The following ANK1 variants were observed in gnomAD, a reference collection of about 807,000 sequenced individuals.
ANK1 encodes ankyrin-1.
A neutral mutation model predicts 210.4 loss-of-function variants in ANK1; 51 were observed. That is an observed-to-expected ratio of 0.24 (90% confidence interval 0.19 to 0.31). The LOEUF (loss-of-function observed/expected upper bound fraction) is 0.31, where lower values mean the gene tolerates loss of function less well. Ranked by LOEUF, ANK1 falls within the 10% of genes least tolerant of loss-of-function variation. The probability of loss-of-function intolerance (pLI) is 1.00; values close to 1 mark genes in which losing one functional copy is unlikely to be tolerated. For missense variants in ANK1, 2,051 were observed against 2,504.4 expected, an observed-to-expected ratio of 0.82 and a Z score of 3.86; for synonymous variants, 967 against 1,025.9, an observed-to-expected ratio of 0.94 and a Z score of 1.10.
At chr8:41,818,652 C>A (rs371872869) in intron 1 of ANK1, among the ~76,000 whole-genome samples, 2 of 151,148 alleles carry the variant, frequency 1.3e-5, no homozygotes, top group African/African-American at 4.9e-5. Flanking sequence ...TTCTTTCTTT[C>A]TTTCCTTCTT....
intron 1 of ANK1, among the ~76,000 whole-genome samples, chr8:41,773,226 C>T (rs145782357): frequency 0.035 from 5,334 of 152,122 alleles, 131 homozygotes; most frequent in Non-Finnish European, 0.05. Context: ...ATGGCAAGTG[C>T]GGGGGTCTAT....
intron 1 of ANK1, among the ~76,000 whole-genome samples, chr8:41,836,223 A>G (rs979455605): frequency 6.6e-6 from 1 of 152,236 alleles, no homozygotes; most frequent in African/African-American, 2.4e-5. Context: ...CTTGCTGCAG[A>G]TCCCGTCGCA....
intron 1 of ANK1, among the ~76,000 whole-genome samples, chr8:41,776,094 G>T (rs1357743459): frequency 1.3e-5 from 2 of 152,168 alleles, no homozygotes; most frequent in Non-Finnish European, 2.9e-5. Flanking sequence ...CTGGGGTGGT[G>T]CATGAAACAC....
At position 41,702,036 on chromosome 8, in the gene ANK1, G is replaced by A. The variant is rs973983861; in HGVS notation, c.2388+16C>T. 1 of 1,608,796 alleles carries A rather than the reference G, an allele frequency of 6.2e-7. No individual in the cohort carries two copies. Among genetic ancestry groups the A allele is most frequent in the Non-Finnish European group, 8.5e-7 (1 of 1,175,170 alleles). ...TGAGTGTGTCTGGGGTGGGTGCGGG[G>A]GAGAGGCAGACATACCACGAAACTG... is the stretch of plus-strand genomic sequence containing the variant. On this transcript the variant is annotated intron_variant, in intron 21 of 42. Coordinates refer to ENST00000289734, the MANE Select transcript of ANK1 (RefSeq NM_000037.4).
At chr8:41,718,673 GT>G (rs1298718043) in intron 10 of ANK1, among the ~76,000 whole-genome samples, 1 of 152,044 alleles carries the variant, frequency 6.6e-6, no homozygotes, top group African/African-American at 2.4e-5. Flanking sequence ...GTTTTTGTCT[GT>G]TTTTTTCAGT....
intron 3 of ANK1, among the ~76,000 whole-genome samples, chr8:41,733,557 A>G (rs1173733125): frequency 5.3e-5 from 8 of 152,242 alleles, no homozygotes; most frequent in African/African-American, 1.9e-4. Flanking sequence ...AAGTATTATT[A>G]TCTCCATTTT....
intron 1 of ANK1, among the ~76,000 whole-genome samples, chr8:41,850,576 G>A (rs1189153529): frequency 6.6e-6 from 1 of 152,180 alleles, no homozygotes; most frequent in Non-Finnish European, 1.5e-5. Flanking sequence ...AGCCTCCTGG[G>A]ACCAAGTGAT....
intron 1 of ANK1, among the ~76,000 whole-genome samples, chr8:41,844,664 C>T (rs932204339): frequency 1.3e-5 from 2 of 152,216 alleles, no homozygotes; most frequent in South Asian, 2.1e-4. Flanking sequence ...GCTCTGAGTA[C>T]GGCTCTGCCT....
intron 1 of ANK1, among the ~76,000 whole-genome samples, chr8:41,768,992 AAG>A (rs1842455722): frequency 6.6e-6 from 1 of 152,166 alleles, no homozygotes; most frequent in African/African-American, 2.4e-5. Context: ...AAAATTAAAA[AAG>A]AAGAAAATAC....
intron 1 of ANK1, among the ~76,000 whole-genome samples, chr8:41,796,297 G>A (rs114510194): frequency 8.6e-5 from 13 of 151,972 alleles, no homozygotes; most frequent in Admixed American, 4.6e-4. Flanking sequence ...TTTTTCCATC[G>A]GCCATTCCTT....
intron 2 of ANK1, among the ~76,000 whole-genome samples, chr8:41,757,408 CTATT>C (rs971760896): frequency 3.4e-4 from 52 of 152,328 alleles, no homozygotes; most frequent in African/African-American, 1.2e-3. Context: ...CATTGCCTCT[CTATT>C]TAGTTAGTTC....
In ANK1 at chr8:41,694,828, AC is replaced by A; in HGVS notation, c.3116-26del. On this transcript the variant is annotated intron_variant, in intron 27 of 42. Transcript: ENST00000289734. The surrounding 1 kb of genome is among the most constrained non-coding windows in gnomAD (Gnocchi z 5.7). Reference sequence around the variant, plus strand: ...TCTGGAATCACACACACAGGCCACCACCCCGGTCACATCAGGCACAGGTTCA... The same window carrying A: ...TCTGGAATCACACACACAGGCCACCACCCGGTCACATCAGGCACAGGTTCA... 1 of 1,610,488 alleles carries A rather than the reference AC, an allele frequency of 6.2e-7. No individual in the cohort carries two copies. The highest frequency in any genetic ancestry group is 8.5e-7 in the Non-Finnish European group (1 of 1,177,940).
intron 3 of ANK1, among the ~76,000 whole-genome samples, chr8:41,731,555 G>A (rs1832172539): frequency 6.6e-6 from 1 of 151,560 alleles, no homozygotes; most frequent in Non-Finnish European, 1.5e-5. Context: ...ATCTAAATTG[G>A]TTTTGGCTTT....
Position 41,694,119 on chromosome 8 carries a change from G to T in ANK1, c.3328-17C>A, listed in dbSNP as rs1467983328. ...AGGCTGGGCCTGTGAAATGACAGAGGCAGGACACTCAGGCCCAAGCAGGAG... is the reference window on the plus strand; with the variant it reads ...AGGCTGGGCCTGTGAAATGACAGAGTCAGGACACTCAGGCCCAAGCAGGAG... On this transcript the variant is annotated splice_polypyrimidine_tract_variant and intron_variant, in intron 28 of 42. Transcript: ENST00000289734. This position sits in a 1 kb window ranked among gnomAD's most constrained non-coding sequence, Gnocchi z 5.7. 1.2e-6 allele frequency: 2 copies of T among 1,611,636 alleles called. No homozygotes were observed. Among genetic ancestry groups the T allele is most frequent in the South Asian group, 2.2e-5 (2 of 90,694 alleles).
chr8:41,865,785 G>A (rs1283653921), intron 1 of ANK1, among the ~76,000 whole-genome samples: 1 of 152,040 alleles, frequency 6.6e-6, no homozygotes, highest in Non-Finnish European at 1.5e-5. Flanking sequence ...TCCTCCCACT[G>A]CTTTCCTGAT....
At chr8:41,723,746 G>A in intron 7 of ANK1, 113 bp from the exon 8 acceptor site, 1 of 806,332 alleles carries the variant, frequency 1.2e-6, no homozygotes, top group Non-Finnish European at 2.1e-6. Flanking sequence ...CAACAGCGTT[G>A]TCAGGGCATT....
chr8:41,717,882 C>T (rs902918931), intron 11 of ANK1, among the ~76,000 whole-genome samples, 180 bp from the exon 12 acceptor site: 1 of 152,182 alleles, frequency 6.6e-6, no homozygotes, highest in African/African-American at 2.4e-5. Context: ...AAGTCGTGCC[C>T]ACTCTTACAA....
intron 1 of ANK1, among the ~76,000 whole-genome samples, chr8:41,842,968 T>C (rs1373500369): frequency 6.6e-6 from 1 of 152,010 alleles, no homozygotes; most frequent in East Asian, 1.9e-4. Context: ...TGCCTCAGCC[T>C]CCTGAGTAGC....
At chr8:41,825,479 C>A (rs1385386417) in intron 1 of ANK1, among the ~76,000 whole-genome samples, 1 of 152,166 alleles carries the variant, frequency 6.6e-6, no homozygotes, top group Non-Finnish European at 1.5e-5. Flanking sequence ...TTTTGGCCAC[C>A]AACAGTTCAG....
Sources: allele counts gnomAD v4.1 joint callset (sites outside exome capture counted in the v4.1 genomes callset), GRCh38; gene constraint gnomAD v4.1.1; non-coding constraint Gnocchi (gnomAD v3.1); transcripts MANE v1.5; gene names NCBI Gene and HGNC (gene_info 2026-07-23, HGNC 2026-07-21).